MB21D2: variants seen among roughly 807,000 people sequenced by gnomAD.
MB21D2 encodes the protein Mab-21 domain containing 2.
A neutral mutation model predicts 33.3 loss-of-function variants in MB21D2; 9 were observed. That is an observed-to-expected ratio of 0.27 (90% CI 0.16 to 0.47). The LOEUF is 0.47. MB21D2 is among the 20% of genes least tolerant of loss of function. The pLI, the probability that MB21D2 is intolerant of heterozygous loss-of-function variation, is 0.99. For synonymous variants in MB21D2, 241 were observed against 236.3 expected (o/e 1.02, Z -0.18); for missense variants, 540 against 624.6 (o/e 0.86, Z 1.44).
At chr3:192,882,756 C>A (rs1477656617) in intron 1 of MB21D2, among the ~76,000 whole-genome samples, 2 of 149,244 alleles carry the variant, frequency 1.3e-5, no homozygotes, top group African/African-American at 5.0e-5. Flanking sequence ...TTCTTTGAGA[C>A]GGAGTTTCAC....
At chr3:192,849,309 C>CTT (rs1430101118) in intron 1 of MB21D2, among the ~76,000 whole-genome samples, 21 of 69,236 alleles carry the variant, frequency 3.0e-4, no homozygotes, top group South Asian at 1.8e-3. Context: ...TTTCACGTCT[C>CTT]TTTTTTTGGG....
At chr3:192,863,752 T>C (rs563734012) in intron 1 of MB21D2, among the ~76,000 whole-genome samples, 4 of 152,214 alleles carry the variant, frequency 2.6e-5, no homozygotes, top group Non-Finnish European at 5.9e-5. Flanking sequence ...CCCTCATGAA[T>C]GGGATTTCTG....
intron 1 of MB21D2, among the ~76,000 whole-genome samples, chr3:192,917,134 G>A (rs560567776): frequency 1.3e-5 from 2 of 152,330 alleles, no homozygotes; most frequent in East Asian, 1.9e-4. Flanking sequence ...GCCGCGAGAC[G>A]ACAGAAGCAA....
chr3:192,826,068 A>C (rs1385419870), intron 1 of MB21D2, among the ~76,000 whole-genome samples: 1 of 152,190 alleles, frequency 6.6e-6, no homozygotes, highest in Non-Finnish European at 1.5e-5. Context: ...TCTTGACTCC[A>C]GTTTTTCTGG....
chr3:192,884,403 G>T (rs1400833067), intron 1 of MB21D2, among the ~76,000 whole-genome samples: 3 of 151,880 alleles, frequency 2.0e-5, no homozygotes, highest in Non-Finnish European at 4.4e-5. Flanking sequence ...GTCTTGCTCT[G>T]TCACCCAGGC....
intron 1 of MB21D2, among the ~76,000 whole-genome samples, chr3:192,804,226 T>C (rs1711612966): frequency 1.3e-5 from 2 of 152,192 alleles, no homozygotes; most frequent in Non-Finnish European, 2.9e-5. Flanking sequence ...AACTATATCA[T>C]ATTCCACTAA....
At chr3:192,866,089 A>G (rs1466864312) in intron 1 of MB21D2, among the ~76,000 whole-genome samples, 1 of 152,136 alleles carries the variant, frequency 6.6e-6, no homozygotes, top group Non-Finnish European at 1.5e-5. Context: ...TCTGATTCCA[A>G]GGGTAATGAT....
intron 1 of MB21D2, among the ~76,000 whole-genome samples, chr3:192,856,678 G>A (rs747002801): frequency 3.3e-5 from 5 of 151,980 alleles, no homozygotes; most frequent in East Asian, 1.9e-4. Flanking sequence ...CTCAGCCTCC[G>A]AAGTAGCTGG....
intron 1 of MB21D2, among the ~76,000 whole-genome samples, chr3:192,858,761 G>A (rs1365616975): frequency 3.3e-5 from 5 of 152,130 alleles, no homozygotes; most frequent in Non-Finnish European, 7.3e-5. Flanking sequence ...CAATCTACTT[G>A]GAGAGGATAT....
intron 1 of MB21D2, among the ~76,000 whole-genome samples, chr3:192,839,390 T>C (rs1246185040): frequency 6.6e-6 from 1 of 152,174 alleles, no homozygotes; most frequent in African/African-American, 2.4e-5. Flanking sequence ...CTGTCCTACC[T>C]GTGGTGTTCC....
At chr3:192,844,806 C>T (rs1321549408) in intron 1 of MB21D2, among the ~76,000 whole-genome samples, 1 of 152,222 alleles carries the variant, frequency 6.6e-6, no homozygotes, top group African/African-American at 2.4e-5. Flanking sequence ...ACACCATTCA[C>T]ATACAACCGT....
chr3:192,902,342 G>A (rs1034601678), intron 1 of MB21D2, among the ~76,000 whole-genome samples: 1 of 152,192 alleles, frequency 6.6e-6, no homozygotes, highest in Non-Finnish European at 1.5e-5. Context: ...AAAGAGGGAA[G>A]GAGCCAGACT....
chr3:192,890,806 G>GCAA (rs555195064), intron 1 of MB21D2, among the ~76,000 whole-genome samples: 34 of 152,146 alleles, frequency 2.2e-4, no homozygotes, highest in Middle Eastern at 3.4e-3. Context: ...TCCATGGCAG[G>GCAA]CGGTTATTGA....
At chr3:192,823,851 T>A (rs1387812985) in intron 1 of MB21D2, among the ~76,000 whole-genome samples, 1 of 151,860 alleles carries the variant, frequency 6.6e-6, no homozygotes, top group Non-Finnish European at 1.5e-5. Context: ...AAAAAAAAAA[T>A]TTAAACTGTG....
chr3:192,798,403 C>T lies in MB21D2; in HGVS notation c.1459G>A (p.Asp487Asn). Residue 487 changes from aspartate (D) to asparagine (N), a missense_variant, in exon 2 of 2, where the codon GAT (aspartate) becomes AAT (asparagine). Physicochemically the swap from Asp to Asn is conservative, Grantham distance 23. Transcript: ENST00000392452. This position sits in a 1 kb window ranked among gnomAD's most constrained non-coding sequence, Gnocchi z 4.8. Reference protein sequence around the residue: ...DDVTRPHFRIDDKFF With the variant: ...DDVTRPHFRINDKFF ...GCTAACACTCAGAAAAATTTGTCAT[C>T]AATTCTGAAATGGGGCCTTGTGACA... 1.2e-6 allele frequency: 2 copies of T among 1,612,888 alleles called. No individual in the cohort carries two copies. The highest frequency in any genetic ancestry group is 1.7e-6 in the Non-Finnish European group (2 of 1,179,158).
chr3:192,886,254 G>A (rs1713731416), intron 1 of MB21D2, among the ~76,000 whole-genome samples: 1 of 152,094 alleles, frequency 6.6e-6, no homozygotes, highest in Non-Finnish European at 1.5e-5. Flanking sequence ...CACCGCACCT[G>A]GTCTATTTTT....
chr3:192,865,524 CAAGT>C (rs142904261), intron 1 of MB21D2, among the ~76,000 whole-genome samples: 1 of 152,334 alleles, frequency 6.6e-6, no homozygotes, highest in East Asian at 1.9e-4. Context: ...CTTCATCTTA[CAAGT>C]AAGAGACATT....
At chr3:192,854,695 CTT>C (rs888332443) in intron 1 of MB21D2, among the ~76,000 whole-genome samples, 63 of 152,330 alleles carry the variant, frequency 4.1e-4, no homozygotes, top group African/African-American at 1.5e-3. Flanking sequence ...GGCTGACTCT[CTT>C]GTTAGAAGCT....
intron 1 of MB21D2, among the ~76,000 whole-genome samples, chr3:192,800,933 A>G (rs1441025489): frequency 6.6e-6 from 1 of 152,250 alleles, no homozygotes; most frequent in African/African-American, 2.4e-5. Flanking sequence ...TAAATTTAGA[A>G]AACTCCGCAC....
Sources: allele counts gnomAD v4.1 joint callset (sites outside exome capture counted in the v4.1 genomes callset), GRCh38; gene constraint gnomAD v4.1.1; non-coding constraint Gnocchi (gnomAD v3.1); transcripts MANE v1.5; gene names NCBI Gene and HGNC (gene_info 2026-07-23, HGNC 2026-07-21).